Variants in SAMMSON observed in about 807,000 individuals in gnomAD.
SAMMSON encodes the protein survival associated mitochondrial melanoma specific oncogenic non-coding RNA, also known as long intergenic non-protein coding RNA 1212.
At chr3:70,275,441 G>A (rs9637503) in intron 6 of SAMMSON, among the ~76,000 whole-genome samples, 20,380 of 152,208 alleles carry the variant, frequency 0.13, 1,859 homozygotes, top group African/African-American at 0.26. Flanking sequence ...CTTGAGCCCA[G>A]GAGGTCAAGG....
intron 4 of SAMMSON, among the ~76,000 whole-genome samples, chr3:70,192,152 C>T (rs1701135539): frequency 6.6e-6 from 1 of 152,174 alleles, no homozygotes; most frequent in Admixed American, 6.5e-5. Flanking sequence ...CGCCCTCCCA[C>T]TTACCCCCTT....
At chr3:70,419,870 C>A (rs1322665967) in intron 2 of SAMMSON, among the ~76,000 whole-genome samples, 1 of 152,128 alleles carries the variant, frequency 6.6e-6, no homozygotes, top group East Asian at 1.9e-4. Flanking sequence ...GATCTCCTGA[C>A]CTCGTGATCT....
At chr3:70,273,971 C>CT (rs1244805487) in intron 6 of SAMMSON, among the ~76,000 whole-genome samples, 2 of 151,472 alleles carry the variant, frequency 1.3e-5, no homozygotes, top group Non-Finnish European at 2.9e-5. Context: ...CCAGAATTTT[C>CT]TTTTTGACAC....
intron 6 of SAMMSON, among the ~76,000 whole-genome samples, chr3:70,268,338 G>T (rs548767747): frequency 2.2e-3 from 329 of 152,218 alleles, no homozygotes; most frequent in African/African-American, 7.7e-3. Flanking sequence ...AGCCAGGCGT[G>T]GTTGTGTGCA....
At chr3:70,269,961 T>C (rs1035354051) in intron 6 of SAMMSON, among the ~76,000 whole-genome samples, 1 of 151,854 alleles carries the variant, frequency 6.6e-6, no homozygotes, top group African/African-American at 2.4e-5. Flanking sequence ...AAGAAAATGA[T>C]CCTCAAATAA....
intron 7 of SAMMSON, among the ~76,000 whole-genome samples, chr3:70,336,454 C>T (rs1339693114): frequency 1.3e-5 from 2 of 151,940 alleles, no homozygotes; most frequent in African/African-American, 2.4e-5. Context: ...CTGAGATTTC[C>T]GTGTAACACA....
At chr3:70,413,196 T>C (rs1398692068) in intron 2 of SAMMSON, among the ~76,000 whole-genome samples, 2 of 152,144 alleles carry the variant, frequency 1.3e-5, no homozygotes, top group African/African-American at 4.8e-5. Context: ...GTACTATAAT[T>C]TGAGATACCT....
chr3:70,374,786 G>A (rs1466508334), intron 9 of SAMMSON, among the ~76,000 whole-genome samples: 1 of 152,200 alleles, frequency 6.6e-6, no homozygotes, highest in Non-Finnish European at 1.5e-5. Context: ...TTGCTGTCAT[G>A]ACTGGAGCTA....
intron 6 of SAMMSON, among the ~76,000 whole-genome samples, chr3:70,253,127 A>G (rs1701785165): frequency 1.3e-5 from 2 of 152,148 alleles, no homozygotes; most frequent in African/African-American, 4.8e-5. Flanking sequence ...ATAAAAAAGT[A>G]TTTTGGATTG....
At chr3:70,056,592 T>C (rs2107590648) in intron 3 of SAMMSON, among the ~76,000 whole-genome samples, 1 of 152,096 alleles carries the variant, frequency 6.6e-6, no homozygotes, top group African/African-American at 2.4e-5. Context: ...CTAAAGCTTT[T>C]CTTGGAAATA....
At chr3:70,228,349 C>T (rs1443280154) in intron 4 of SAMMSON, among the ~76,000 whole-genome samples, 1 of 151,876 alleles carries the variant, frequency 6.6e-6, no homozygotes, top group East Asian at 1.9e-4. Context: ...TTTCATTTGA[C>T]AAGTAATTCA....
At chr3:70,200,407 ACAGCACTC>A (rs1452115908) in intron 4 of SAMMSON, among the ~76,000 whole-genome samples, 2 of 152,080 alleles carry the variant, frequency 1.3e-5, no homozygotes, top group African/African-American at 4.8e-5. Context: ...CTTCACACTC[ACAGCACTC>A]CAGCCACACT....
intron 9 of SAMMSON, among the ~76,000 whole-genome samples, chr3:70,363,439 C>A (rs1177368861): frequency 6.6e-6 from 1 of 151,888 alleles, no homozygotes; most frequent in Non-Finnish European, 1.5e-5. Flanking sequence ...TAAAGACTCA[C>A]ACACACAAAA....
chr3:70,334,236 A>G (rs1702645894), intron 7 of SAMMSON, among the ~76,000 whole-genome samples: 1 of 152,194 alleles, frequency 6.6e-6, no homozygotes, highest in Non-Finnish European at 1.5e-5. Context: ...CTAAAAAACA[A>G]TAACCTAATC....
At chr3:70,428,373 G>C (rs1358179673) in intron 2 of SAMMSON, among the ~76,000 whole-genome samples, 1 of 152,110 alleles carries the variant, frequency 6.6e-6, no homozygotes, top group East Asian at 1.9e-4. Context: ...TATAGAATTG[G>C]CTTCAAGATA....
chr3:70,167,539 G>A (rs1324957917), intron 4 of SAMMSON, among the ~76,000 whole-genome samples: 2 of 151,878 alleles, frequency 1.3e-5, no homozygotes, highest in Non-Finnish European at 2.9e-5. Context: ...TCACTAGAAG[G>A]GAAGGTGGTG....
chr3:70,217,261 C>T (rs1371039794), intron 4 of SAMMSON, among the ~76,000 whole-genome samples: 2 of 152,064 alleles, frequency 1.3e-5, no homozygotes, highest in Non-Finnish European at 2.9e-5. Context: ...AACAGTTCCC[C>T]CATTCAGTAC....
At chr3:70,361,648 A>G (rs900749647) in intron 9 of SAMMSON, among the ~76,000 whole-genome samples, 1 of 152,200 alleles carries the variant, frequency 6.6e-6, no homozygotes, top group Non-Finnish European at 1.5e-5. Flanking sequence ...ACATGTAGGT[A>G]CTATATAAAT....
intron 6 of SAMMSON, among the ~76,000 whole-genome samples, chr3:70,259,285 T>G (rs1701844211): frequency 6.6e-6 from 1 of 152,128 alleles, no homozygotes. Flanking sequence ...GGGAGAAAAC[T>G]GACATTTATC....
Sources: allele counts gnomAD v4.1 joint callset (sites outside exome capture counted in the v4.1 genomes callset), GRCh38; gene constraint gnomAD v4.1.1; transcripts MANE v1.5; gene names NCBI Gene and HGNC (gene_info 2026-07-23, HGNC 2026-07-21).